EPYC: variants seen among roughly 807,000 people sequenced by gnomAD.
EPYC encodes dermatan sulfate proteoglycan 3.
EPYC carries 28 observed loss-of-function variants against 30.1 expected under a neutral mutation model. The observed-to-expected ratio is 0.93, with a 90% CI of 0.69 to 1.28. EPYC has a LOEUF of 1.28. Among genes scored for constraint, EPYC ranks in the 50% most tolerant of loss-of-function variants. The pLI, the probability that EPYC is intolerant of heterozygous loss-of-function variation, is 0.00. For synonymous variants in EPYC, 144 were observed against 141.4 expected, an observed-to-expected ratio of 1.02 and a Z score of -0.13; for missense variants, 382 against 383.5, an observed-to-expected ratio of 1.00 and a Z score of 0.03.
At chr12:90,989,426 T>G (rs748579734) in intron 2 of EPYC, among the ~76,000 whole-genome samples, 3 of 152,088 alleles carry the variant, frequency 2.0e-5, no homozygotes, top group Non-Finnish European at 2.9e-5. Flanking sequence ...AATATCAAAA[T>G]AGTTAATGGC....
chr12:90,999,288 GAATT>G (rs1339143756), intron 2 of EPYC, among the ~76,000 whole-genome samples: 6 of 151,980 alleles, frequency 3.9e-5, no homozygotes, highest in Non-Finnish European at 8.8e-5. Context: ...AAGGCCTTAA[GAATT>G]AATCTGCCAA....
At chr12:91,001,308 A>G (rs1432274547) in intron 2 of EPYC, among the ~76,000 whole-genome samples, 2 of 152,218 alleles carry the variant, frequency 1.3e-5, no homozygotes, top group East Asian at 1.9e-4. Flanking sequence ...ATTTCATCTA[A>G]ATATTTTCTA....
chr12:90,977,518 C>A (rs1482823986), intron 3 of EPYC, among the ~76,000 whole-genome samples: 2 of 152,054 alleles, frequency 1.3e-5, no homozygotes, highest in East Asian at 3.9e-4. Flanking sequence ...TGGCTTCAAA[C>A]CTGCTATGTA....
chr12:91,002,878 C>T (rs1480325279), intron 1 of EPYC, among the ~76,000 whole-genome samples: 1 of 151,796 alleles, frequency 6.6e-6, no homozygotes, highest in African/African-American at 2.4e-5. Flanking sequence ...TTTTCATCAT[C>T]TAATAATTTT....
At chr12:90,989,664 C>T (rs771215749) in intron 2 of EPYC, among the ~76,000 whole-genome samples, 2 of 152,044 alleles carry the variant, frequency 1.3e-5, no homozygotes, top group Middle Eastern at 3.4e-3. Flanking sequence ...TTAATCATAC[C>T]GTCTAGTCTT....
rs371117592 is a variant in EPYC, at chr12:90,974,029, T to TACACTC, written c.341-1050_341-1049insGAGTGT. ...ACATACTGATTTTTCTTTTCTGTCT[T>TACACTC]ACACACACTCACACACACACACACA... is the stretch of plus-strand genomic sequence containing the variant. On this transcript the variant is annotated intron_variant, in intron 3 of 6. Coordinates refer to ENST00000261172, the MANE Select transcript of EPYC (RefSeq NM_004950.5). 1.6e-3 allele frequency among the ~76,000 whole-genome samples: 127 copies of TACACTC among 81,104 alleles called. 1 individual carries two copies. The highest frequency in any genetic ancestry group is 0.013 in the South Asian group (30 of 2,282). The allele number at this position is 81,104 out of a possible 152,430, so 53.2% of individuals were successfully genotyped here.
intron 2 of EPYC, among the ~76,000 whole-genome samples, chr12:90,989,184 C>G (rs1284903522): frequency 2.6e-5 from 4 of 151,974 alleles, no homozygotes; most frequent in Non-Finnish European, 5.9e-5. Context: ...TTATCTAGTA[C>G]ATATCATTGA....
intron 6 of EPYC, among the ~76,000 whole-genome samples, chr12:90,967,018 C>T (rs1459037857): frequency 1.3e-5 from 2 of 151,960 alleles, no homozygotes; most frequent in Non-Finnish European, 2.9e-5. Context: ...TCCTAGGTCA[C>T]ATCAGCTAAA....
rs931155606 is a variant in EPYC at position 90,995,496 on chromosome 12, C to T, written c.165+6905G>A. Among the ~76,000 whole-genome samples the T allele has an allele frequency of 5.3e-5, 8 of 151,996 alleles. No individual in the cohort carries two copies. The South Asian group carries it at 1.7e-3, about 32-fold the overall frequency. Reference sequence around the variant, plus strand: ...ATGGGGGCTTTTAGGGGCAAAGTCTCTCTCCTTTAGCATTAAAAGACTGGA... The same window carrying T: ...ATGGGGGCTTTTAGGGGCAAAGTCTTTCTCCTTTAGCATTAAAAGACTGGA... On this transcript the variant is annotated intron_variant, in intron 2 of 6. Coordinates refer to ENST00000261172, the MANE Select transcript of EPYC (RefSeq NM_004950.5).
At chr12:90,977,657 G>C (rs1209471795) in intron 3 of EPYC, among the ~76,000 whole-genome samples, 1 of 152,102 alleles carries the variant, frequency 6.6e-6, no homozygotes, top group Non-Finnish European at 1.5e-5. Context: ...GTGAAGTGCT[G>C]AGCATATAGG....
rs761599491 is a variant in EPYC, at chr12:90,972,802, G to A, written c.499+20C>T. The A allele has an allele frequency of 1.4e-5, 22 of 1,608,338 alleles. No homozygotes were observed. In the South Asian group the frequency reaches 1.8e-4, roughly 13 times the overall value. On this transcript the variant is annotated intron_variant, in intron 4 of 6. Coordinates refer to ENST00000261172, the MANE Select transcript of EPYC (RefSeq NM_004950.5). ...GGAAGTGTGTAAAGCGGTGAAGGCC[G>A]TTAATGCTGTCATCCATACTTAGGC...
chr12:90,974,293 T>C (rs924664503), intron 3 of EPYC, among the ~76,000 whole-genome samples: 7 of 152,092 alleles, frequency 4.6e-5, no homozygotes, highest in African/African-American at 1.7e-4. Flanking sequence ...AAAAATGTTC[T>C]TGGATTAGTT....
intron 2 of EPYC, among the ~76,000 whole-genome samples, chr12:90,999,364 C>G (rs148015082): frequency 2.6e-5 from 4 of 152,158 alleles, no homozygotes; most frequent in African/African-American, 7.2e-5. Flanking sequence ...TTATAAGAAA[C>G]TGGTACATAT....
chr12:90,995,048 A>G (rs1877666781), intron 2 of EPYC, among the ~76,000 whole-genome samples: 1 of 152,124 alleles, frequency 6.6e-6, no homozygotes, highest in Non-Finnish European at 1.5e-5. Flanking sequence ...ACATACTGAC[A>G]TATAGATATG....
At chr12:90,967,236 C>T (rs1415185817) in intron 6 of EPYC, among the ~76,000 whole-genome samples, 3 of 151,946 alleles carry the variant, frequency 2.0e-5, no homozygotes, top group African/African-American at 7.2e-5. Context: ...TACGTATTTA[C>T]AGCTGAAAAT....
intron 6 of EPYC, among the ~76,000 whole-genome samples, chr12:90,968,475 T>C (rs185492860): frequency 3.3e-4 from 50 of 152,270 alleles, no homozygotes; most frequent in African/African-American, 1.2e-3. Flanking sequence ...TTGGCAAACA[T>C]TTTCCAAATG....
chr12:90,998,074 CA>C, intron 2 of EPYC, among the ~76,000 whole-genome samples: 1 of 152,014 alleles, frequency 6.6e-6, no homozygotes, highest in South Asian at 2.1e-4. Flanking sequence ...ACTCTTTGTC[CA>C]AAAATCCTCA....
chr12:90,978,356 C>T, intron 2 of EPYC, 94 bp from the exon 3 acceptor site: 1 of 1,204,828 alleles, frequency 8.3e-7, no homozygotes, highest in South Asian at 1.5e-5. Flanking sequence ...CCATATTTGC[C>T]ACAAGAGGAC....
At chr12:90,967,354 C>T (rs958997802) in intron 6 of EPYC, among the ~76,000 whole-genome samples, 4 of 151,426 alleles carry the variant, frequency 2.6e-5, no homozygotes, top group Non-Finnish European at 4.4e-5. Context: ...TCTATTTTGG[C>T]CCATTAGTGA....
Sources: allele counts gnomAD v4.1 joint callset (sites outside exome capture counted in the v4.1 genomes callset), GRCh38; gene constraint gnomAD v4.1.1; transcripts MANE v1.5; gene names NCBI Gene and HGNC (gene_info 2026-07-23, HGNC 2026-07-21).